LACTB2: variants seen among roughly 807,000 people sequenced by gnomAD.
The protein encoded by LACTB2 is lactamase beta 2.
LACTB2 carries 32 observed loss-of-function variants against 34.8 expected under a neutral mutation model. The ratio of observed to expected loss-of-function variants is 0.92; its 90% confidence interval spans 0.69 to 1.24. The LOEUF (loss-of-function observed/expected upper bound fraction) is 1.24. LACTB2 is among the 50% of genes most tolerant of loss of function. LACTB2 has a pLI of 0.00. For missense variants in LACTB2, 320 were observed against 345.0 expected (o/e 0.93, Z 0.57); for synonymous variants, 120 against 117.5 (o/e 1.02, Z -0.14).
At position 70,667,195 on chromosome 8, in the gene LACTB2, T is replaced by G. The variant is rs1018056283; in HGVS notation, c.122+1804A>C. Among the ~76,000 whole-genome samples the G allele has an allele frequency of 2.0e-5, 3 of 152,286 alleles. No homozygotes were observed. The South Asian group carries it at 6.2e-4, about 32-fold the overall frequency. ...ATAGGAAACCTGAAGAATGTGGTGT[T>G]GGCAAATTAAGGAGGGAGTCGTCAA... On this transcript the variant is annotated intron_variant, in intron 1 of 6. Coordinates refer to ENST00000276590, the MANE Select transcript of LACTB2 (RefSeq NM_016027.3).
rs1818142269 is a variant in LACTB2 at position 70,637,821 on chromosome 8, CTG to C, written c.*37_*38del. ...TATAGTTAAGAAAACATACCATTCT[CTG>C]AAAGCAAAATAAAACAAAGCTTTCT... On this transcript the variant is annotated 3_prime_UTR_variant, in exon 7 of 7. Transcript: ENST00000276590. The C allele has an allele frequency of 7.3e-7, 1 of 1,375,284 alleles. No individual in the cohort carries two copies. Among genetic ancestry groups the C allele is most frequent in the African/African-American group, 1.5e-5 (1 of 67,838 alleles). The allele number at this position is 1,375,284 out of a possible 1,614,324, so 85.2% of individuals were successfully genotyped here.
chr8:70,661,616 C>T (rs1429687863), intron 2 of LACTB2, 118 bp downstream of exon 2: 2 of 811,752 alleles, frequency 2.5e-6, no homozygotes. Context: ...TCTAAAAGTA[C>T]CATTTAAAAC....
chr8:70,655,318 C>G (rs908498577), intron 3 of LACTB2, among the ~76,000 whole-genome samples: 9 of 151,472 alleles, frequency 5.9e-5, no homozygotes, highest in Non-Finnish European at 1.3e-4. Context: ...CTCCCAGATT[C>G]AAGCAATTCT....
intron 3 of LACTB2, chr8:70,652,558 C>G (rs1818356108): frequency 6.6e-6 from 1 of 152,124 alleles, no homozygotes; most frequent in Non-Finnish European, 1.5e-5. Flanking sequence ...TACAGTAAAA[C>G]AAAAATTAAA....
intron 2 of LACTB2, chr8:70,661,162 C>G (rs190960076): frequency 2.5e-6 from 1 of 393,176 alleles, no homozygotes; most frequent in Non-Finnish European, 5.0e-6. Context: ...CACTGCTATA[C>G]CCCTTGTGCC....
intron 4 of LACTB2, 62 bp from the exon 5 acceptor site, chr8:70,641,112 A>G: frequency 3.7e-6 from 5 of 1,366,838 alleles, no homozygotes; most frequent in Non-Finnish European, 5.0e-6. Flanking sequence ...GTACAACAGA[A>G]GCTAACTCAC....
At chr8:70,646,379 G>A (rs547187635) in intron 3 of LACTB2, 1 of 152,262 alleles carries the variant, frequency 6.6e-6, no homozygotes, top group East Asian at 1.9e-4. Flanking sequence ...CCCATCAAAA[G>A]TGGGCAAAGG....
chr8:70,652,799 T>TA (rs374625412), intron 3 of LACTB2: 2 of 152,308 alleles, frequency 1.3e-5, no homozygotes, highest in African/African-American at 4.8e-5. Context: ...TAAGAAGTTT[T>TA]AAAAAAATGA....
At chr8:70,663,111 T>C (rs1818499857) in intron 1 of LACTB2, 2 of 152,226 alleles carry the variant, frequency 1.3e-5, no homozygotes, top group African/African-American at 4.8e-5. Context: ...GATCAATAAC[T>C]GTTTATGGAT....
chr8:70,664,636 G>A (rs1013168340), intron 1 of LACTB2, among the ~76,000 whole-genome samples: 1 of 151,998 alleles, frequency 6.6e-6, no homozygotes, highest in African/African-American at 2.4e-5. Flanking sequence ...AACAAAGGAG[G>A]GGTGTCTAGA....
intron 1 of LACTB2, among the ~76,000 whole-genome samples, chr8:70,666,494 C>T (rs557474949): frequency 6.6e-6 from 1 of 152,160 alleles, no homozygotes; most frequent in Non-Finnish European, 1.5e-5. Flanking sequence ...ATCTGAGACA[C>T]TAGAAGGCCA....
chr8:70,664,373 CAG>C (rs1246997238), intron 1 of LACTB2, among the ~76,000 whole-genome samples: 2 of 152,214 alleles, frequency 1.3e-5, no homozygotes, highest in East Asian at 3.9e-4. Flanking sequence ...ACAAAATTAA[CAG>C]GGTTGATACA....
chr8:70,651,675 C>CA (rs1339225643), intron 3 of LACTB2: 1 of 134,546 alleles, frequency 7.4e-6, no homozygotes, highest in Non-Finnish European at 1.6e-5. Flanking sequence ...ACACAGAAAA[C>CA]AATTTGTTTT....
At chr8:70,651,102 A>G (rs1468374554) in intron 3 of LACTB2, among the ~76,000 whole-genome samples, 3 of 152,060 alleles carry the variant, frequency 2.0e-5, no homozygotes, top group Admixed American at 6.5e-5. Context: ...ATAAAAACCA[A>G]CCAAATCCTT....
At chr8:70,642,730 T>A (rs1402850539) in intron 4 of LACTB2, among the ~76,000 whole-genome samples, 1 of 151,992 alleles carries the variant, frequency 6.6e-6, no homozygotes, top group Non-Finnish European at 1.5e-5. Flanking sequence ...GTGATCTGCC[T>A]GCCTTGGCCT....
At chr8:70,660,273 A>G in intron 2 of LACTB2, 1 of 268,216 alleles carries the variant, frequency 3.7e-6, no homozygotes, top group South Asian at 3.9e-5. Context: ...TTTTTAATTC[A>G]CAAGATTTAA....
intron 3 of LACTB2, chr8:70,646,256 G>C (rs1586784257): frequency 6.6e-6 from 1 of 152,178 alleles, no homozygotes; most frequent in Non-Finnish European, 1.5e-5. Context: ...TACCATCAGA[G>C]TGAACAGGCA....
intron 2 of LACTB2, 64 bp downstream of exon 2, chr8:70,661,670 C>A: frequency 6.9e-7 from 1 of 1,447,158 alleles, no homozygotes; most frequent in South Asian, 1.3e-5. Context: ...AGCTCTGTAA[C>A]TGAAATAAAT....
chr8:70,649,545 A>G (rs894348683), intron 3 of LACTB2, among the ~76,000 whole-genome samples: 1 of 152,348 alleles, frequency 6.6e-6, no homozygotes, highest in Admixed American at 6.5e-5. Flanking sequence ...TAGTGTCTAC[A>G]GTCATAACAA....
Sources: gnomAD v4.1 joint callset for allele counts (sites outside exome capture counted in the v4.1 genomes callset) on GRCh38, gnomAD v4.1.1 for gene constraint, MANE v1.5 for transcripts, NCBI Gene and HGNC (gene_info 2026-07-23, HGNC 2026-07-21) for gene names.